The following ADGRG2 variants were observed in gnomAD, a reference collection of about 807,000 sequenced individuals.
ADGRG2 encodes adhesion G protein-coupled receptor G2, also known as G protein-coupled receptor 64.
ADGRG2 carries 26 observed loss-of-function variants against 74.1 expected under a neutral mutation model. That is an observed-to-expected ratio of 0.35 (90% CI 0.26 to 0.49). The LOEUF (loss-of-function observed/expected upper bound fraction) is 0.49, where lower values mean the gene tolerates loss of function less well. Among genes scored for constraint, ADGRG2 ranks in the 20% least tolerant of loss-of-function variants. The pLI is 0.99. For missense variants in ADGRG2, 619 were observed against 763.1 expected, an observed-to-expected ratio of 0.81 and a Z score of 2.22; for synonymous variants, 296 against 295.2, an observed-to-expected ratio of 1.00 and a Z score of -0.03.
Position 19,013,699 on chromosome X carries a change from A to G in ADGRG2, c.1086T>C (p.Pro362=). ...AGTGACATTTACCTGTCTGGACAGG[A>G]GGTGCGCTGGTAGTGTTGACATTCG... is the stretch of plus-strand genomic sequence containing the variant. ...APANVNTTSA[P]PVQTDIVNTS... Residue 362 remains proline (P), a synonymous_variant, in exon 16 of 29, where the codon CCT becomes CCC. Coordinates refer to ENST00000379869, the MANE Select transcript of ADGRG2 (RefSeq NM_001079858.3). The G allele has an allele frequency of 8.4e-7, 1 of 1,191,433 alleles. No homozygotes were observed. The highest frequency in any genetic ancestry group is 1.8e-5 in the African/African-American group (1 of 57,135).
chrX:19,036,616 A>AACACACACACAC (rs534574581), intron 6 of ADGRG2, among the ~76,000 whole-genome samples: 1,932 of 94,649 alleles, frequency 0.02, 29 homozygotes, highest in Non-Finnish European at 0.03. Flanking sequence ...TCATACTTAA[A>AACACACACACAC]ACACACACAC....
chrX:18,990,863 A>G lies in ADGRG2; in HGVS notation c.*1T>C. On this transcript the variant is annotated 3_prime_UTR_variant, in exon 29 of 29. Coordinates refer to ENST00000379869, the MANE Select transcript of ADGRG2 (RefSeq NM_001079858.3). ...CATGCTTTGATTTTAGAAGAAAGGAATCACATTTGCTCAATAAAGTGTAAG... is the reference window on the plus strand; with the variant it reads ...CATGCTTTGATTTTAGAAGAAAGGAGTCACATTTGCTCAATAAAGTGTAAG... 8.5e-7 allele frequency: 1 copy of G among 1,179,633 alleles called. No individual in the cohort carries two copies. Among genetic ancestry groups the G allele is most frequent in the East Asian group, 3.0e-5 (1 of 33,218 alleles).
intron 22 of ADGRG2, 80 bp from the exon 23 acceptor site, chrX:19,004,959 G>A: frequency 1.3e-6 from 1 of 782,125 alleles, no homozygotes; most frequent in Non-Finnish European, 1.8e-6. Context: ...GTATTCTAGG[G>A]ATCCATTCAT....
intron 1 of ADGRG2, among the ~76,000 whole-genome samples, chrX:19,114,520 G>A (rs1439808149): frequency 3.6e-5 from 4 of 110,742 alleles, no homozygotes; most frequent in African/African-American, 1.3e-4. Flanking sequence ...GCCACGGCAG[G>A]GTTTCTCAAC....
At chrX:19,048,334 T>C (rs1375612828) in intron 3 of ADGRG2, among the ~76,000 whole-genome samples, 1 of 112,771 alleles carries the variant, frequency 8.9e-6, no homozygotes, top group African/African-American at 3.2e-5. Context: ...ACAGCATTAC[T>C]ATATGACCGG....
intron 1 of ADGRG2, among the ~76,000 whole-genome samples, chrX:19,107,874 G>A (rs1405378203): frequency 1.8e-5 from 2 of 108,510 alleles, no homozygotes; most frequent in East Asian, 5.7e-4. Context: ...GCTGAGGCGG[G>A]CGGATCACAA....
chrX:19,079,414 T>C (rs921778141), intron 2 of ADGRG2, among the ~76,000 whole-genome samples: 1 of 112,496 alleles, frequency 8.9e-6, no homozygotes, highest in Admixed American at 9.4e-5. Context: ...TTGAGGTAGT[T>C]TGAATAAATA....
chrX:19,072,396 T>G (rs1441322572), intron 2 of ADGRG2, among the ~76,000 whole-genome samples: 1 of 111,689 alleles, frequency 9.0e-6, no homozygotes, highest in Admixed American at 9.5e-5. Flanking sequence ...TAAAATGTTT[T>G]GAGTCCATCA....
At chrX:19,078,904 A>G (rs183825206) in intron 2 of ADGRG2, among the ~76,000 whole-genome samples, 1 of 110,956 alleles carries the variant, frequency 9.0e-6, no homozygotes, top group Non-Finnish European at 1.9e-5. Flanking sequence ...GGGGAGAAAA[A>G]GAGAGAGGCA....
At chrX:19,050,722 TA>T (rs771022883) in intron 3 of ADGRG2, among the ~76,000 whole-genome samples, 2 of 111,522 alleles carry the variant, frequency 1.8e-5, no homozygotes, top group East Asian at 5.7e-4. Context: ...AACCCATCTC[TA>T]AAAAAATTTT....
chrX:19,000,128 G>A (rs889644537), intron 24 of ADGRG2, among the ~76,000 whole-genome samples, 168 bp from the exon 25 acceptor site: 9 of 109,474 alleles, frequency 8.2e-5, no homozygotes, highest in Non-Finnish European at 1.1e-4. Flanking sequence ...CTAGTAGCTG[G>A]GATTACAGGC....
intron 3 of ADGRG2, among the ~76,000 whole-genome samples, chrX:19,067,778 C>T (rs954519051): frequency 8.9e-6 from 1 of 111,908 alleles, no homozygotes; most frequent in Non-Finnish European, 1.9e-5. Context: ...CAAAGAACTT[C>T]AAAACTCAAC....
intron 3 of ADGRG2, among the ~76,000 whole-genome samples, chrX:19,049,755 C>T (rs151157225): frequency 1.2e-3 from 134 of 110,994 alleles, no homozygotes; most frequent in African/African-American, 4.3e-3. Context: ...AGGGTTATCT[C>T]TGCTTCCTCC....
intron 1 of ADGRG2, among the ~76,000 whole-genome samples, chrX:19,104,328 T>C (rs1015285668): frequency 1.8e-5 from 2 of 110,945 alleles, no homozygotes; most frequent in South Asian, 7.9e-4. Flanking sequence ...ATACACCCTC[T>C]GGGTACAGGT....
intron 21 of ADGRG2, 23 bp downstream of exon 21, chrX:19,006,196 GA>G: frequency 8.6e-7 from 1 of 1,165,492 alleles, no homozygotes; most frequent in Non-Finnish European, 1.2e-6. Context: ...TCAAGAGTTT[GA>G]AAAGGTTATG....
At chrX:18,996,683 T>C (rs1385778958) in intron 26 of ADGRG2, among the ~76,000 whole-genome samples, 1 of 109,621 alleles carries the variant, frequency 9.1e-6, no homozygotes, top group Non-Finnish European at 1.9e-5. Context: ...CCTGCCTGCC[T>C]CCTCCTGACC....
intron 1 of ADGRG2, among the ~76,000 whole-genome samples, chrX:19,117,712 G>T (rs189924871): frequency 9.0e-6 from 1 of 110,989 alleles, no homozygotes; most frequent in East Asian, 2.8e-4. Flanking sequence ...AGCTACTCAG[G>T]AGGCTGAGGC....
intron 26 of ADGRG2, 76 bp downstream of exon 26, chrX:18,998,920 C>T: frequency 1.2e-6 from 1 of 836,612 alleles, no homozygotes; most frequent in Non-Finnish European, 1.7e-6. Context: ...CTGAGGCATG[C>T]CTGTACTCTT....
chrX:19,109,927 C>A (rs1203944884), intron 1 of ADGRG2, among the ~76,000 whole-genome samples: 6 of 111,218 alleles, frequency 5.4e-5, no homozygotes, highest in African/African-American at 2.0e-4. Flanking sequence ...TAATCAGGAT[C>A]CTAACACAGA....
Sources: allele counts gnomAD v4.1 joint callset (sites outside exome capture counted in the v4.1 genomes callset), GRCh38; gene constraint gnomAD v4.1.1; transcripts MANE v1.5; gene names NCBI Gene and HGNC (gene_info 2026-07-23, HGNC 2026-07-21).